The following CELF2 variants were observed in gnomAD, a reference collection of about 807,000 sequenced individuals.
CELF2 encodes the protein CUG triplet repeat RNA-binding protein 2.
Under a neutral mutation model 62.6 loss-of-function variants are expected in CELF2, and 8 were observed. The observed-to-expected ratio is 0.13, with a 90% CI of 0.07 to 0.23. The LOEUF is 0.23. Among genes scored for constraint, CELF2 ranks in the 10% least tolerant of loss-of-function variants. The pLI, the probability that CELF2 is intolerant of heterozygous loss-of-function variation, is 1.00. For synonymous variants in CELF2, 258 were observed against 250.0 expected (o/e 1.03, Z -0.30); for missense variants, 333 against 671.0 (o/e 0.50, Z 5.56).
At chr10:11,218,106 A>G (rs2063804685) in intron 3 of CELF2, among the ~76,000 whole-genome samples, 1 of 152,250 alleles carries the variant, frequency 6.6e-6, no homozygotes, top group African/African-American at 2.4e-5. Flanking sequence ...TTCACCAGAA[A>G]TGAACTGATG....
At chr10:10,827,776 A>G (rs1033853979) in intron 1 of CELF2, among the ~76,000 whole-genome samples, 2 of 152,206 alleles carry the variant, frequency 1.3e-5, no homozygotes, top group African/African-American at 4.8e-5. Flanking sequence ...ATATGTATGT[A>G]GGAGAGAGAA....
chr10:10,720,978 G>A, the CELF2 span, among the ~76,000 whole-genome samples: 10 of 152,324 alleles, frequency 6.6e-5, no homozygotes, highest in African/African-American at 1.9e-4. Flanking sequence ...GAAACAAAAT[G>A]TTCTGCCTAG....
rs151070204 is a variant in CELF2 at position 11,178,700 on chromosome 10, C to A, written c.271+13018C>A. On this transcript the variant is annotated intron_variant, in intron 2 of 12. Coordinates refer to ENST00000633077, the MANE Select transcript of CELF2 (RefSeq NM_001326342.2). This position sits in a 1 kb window ranked among gnomAD's most constrained non-coding sequence, Gnocchi z 4.3. Reference sequence around the variant, plus strand: ...GCAGAGTTTGATTGTTTAACCTAGACTAATCAGTCTTTGGAGGGCCTGCCA... The same window carrying A: ...GCAGAGTTTGATTGTTTAACCTAGAATAATCAGTCTTTGGAGGGCCTGCCA... Among the ~76,000 whole-genome samples, 1 of 152,300 alleles carries A rather than the reference C, an allele frequency of 6.6e-6. No homozygotes were observed. The highest frequency in any genetic ancestry group is 1.9e-4 in the East Asian group (1 of 5,182).
At chr10:10,615,418 G>C in the CELF2 span, among the ~76,000 whole-genome samples, 1 of 152,162 alleles carries the variant, frequency 6.6e-6, no homozygotes, top group African/African-American at 2.4e-5. Context: ...GTCAGGCTGT[G>C]AGCAAGTATC....
At chr10:10,550,567 A>G in the CELF2 span, among the ~76,000 whole-genome samples, 2 of 152,340 alleles carry the variant, frequency 1.3e-5, no homozygotes, top group South Asian at 4.1e-4. Context: ...TTTTATAAGC[A>G]TAAGGTAATG....
Position 11,255,629 on chromosome 10 carries a change from G to A in CELF2, c.404-2109G>A, listed in dbSNP as rs1382841285. On this transcript the variant is annotated intron_variant, in intron 4 of 12. Transcript: ENST00000633077. This position sits in a 1 kb window ranked among gnomAD's most constrained non-coding sequence, Gnocchi z 5.5. ...CTTGGAGCCCTAGAGTTTCTGCGGT[G>A]TCCCAGGAGCTGTCACAGTGGGGAG... 1.3e-5 allele frequency among the ~76,000 whole-genome samples: 2 copies of A among 152,118 alleles called. No homozygotes were observed.
intron 1 of CELF2, among the ~76,000 whole-genome samples, chr10:11,138,938 T>A (rs1326934102): frequency 6.6e-6 from 1 of 152,268 alleles, no homozygotes; most frequent in East Asian, 1.9e-4. Context: ...GGTATGTGAC[T>A]GAACTGATGG....
chr10:11,151,755 GA>G (rs1002265042), intron 1 of CELF2, among the ~76,000 whole-genome samples: 7 of 147,502 alleles, frequency 4.7e-5, no homozygotes, highest in African/African-American at 1.2e-4. Context: ...ATTGAGTCAA[GA>G]AAAAAAAAAT....
the CELF2 span, among the ~76,000 whole-genome samples, chr10:10,526,286 A>T: frequency 1.3e-5 from 2 of 152,262 alleles, no homozygotes; most frequent in African/African-American, 2.4e-5. Flanking sequence ...CTAATAAAAA[A>T]TTATGGATTT....
At chr10:10,791,216 A>G in the CELF2 span, among the ~76,000 whole-genome samples, 2 of 152,042 alleles carry the variant, frequency 1.3e-5, no homozygotes. Context: ...ACACTGAAAT[A>G]TTTTATAGTC....
At chr10:11,023,541 TG>T (rs1263335877) in intron 1 of CELF2, among the ~76,000 whole-genome samples, 1 of 152,228 alleles carries the variant, frequency 6.6e-6, no homozygotes, top group Non-Finnish European at 1.5e-5. Context: ...AATCCAGATG[TG>T]AAGGGATGGA....
the CELF2 span, among the ~76,000 whole-genome samples, chr10:10,711,429 A>G: frequency 6.6e-6 from 1 of 152,302 alleles, no homozygotes; most frequent in Middle Eastern, 3.4e-3. Flanking sequence ...CTGAGTCACA[A>G]GGATACTGGG....
At chr10:10,767,100 A>G in the CELF2 span, among the ~76,000 whole-genome samples, 1 of 152,176 alleles carries the variant, frequency 6.6e-6, no homozygotes, top group Non-Finnish European at 1.5e-5. Context: ...GAAATGCAGC[A>G]ATAACCCAAT....
In CELF2 at chr10:10,931,584, C is replaced by A. The variant is rs1423422595; in HGVS notation, c.89+11585C>A. On this transcript the variant is annotated intron_variant, in intron 2 of 13. Coordinates refer to the CELF2 transcript ENST00000636488. The surrounding 1 kb of genome is among the most constrained non-coding windows in gnomAD (Gnocchi z 6.1). ...GTGGCCCCTAATTCATCATTGGGCA[C>A]CACGGCACCCCTTCCAAAGTAAAGA... 3.3e-5 allele frequency among the ~76,000 whole-genome samples: 5 copies of A among 152,114 alleles called. No homozygotes were observed. Among genetic ancestry groups the A allele is most frequent in the Non-Finnish European group, 7.3e-5 (5 of 68,038 alleles).
At chr10:11,126,105 C>T (rs184385068) in intron 1 of CELF2, among the ~76,000 whole-genome samples, 145 of 152,322 alleles carry the variant, frequency 9.5e-4, no homozygotes, top group Admixed American at 5.8e-3. Flanking sequence ...AGTCAAGATA[C>T]GCTGTCTGGA....
chr10:11,040,440 T>A (rs1303706908), intron 1 of CELF2, among the ~76,000 whole-genome samples: 2 of 152,208 alleles, frequency 1.3e-5, no homozygotes, highest in Non-Finnish European at 2.9e-5. Context: ...CTTTTAAAGG[T>A]ATAATTTGTA....
the CELF2 span, among the ~76,000 whole-genome samples, chr10:10,576,255 C>G: frequency 6.6e-6 from 1 of 152,130 alleles, no homozygotes; most frequent in African/African-American, 2.4e-5. Flanking sequence ...GAGCTGAGAG[C>G]TTCCTACCCA....
chr10:10,941,930 G>T (rs186293302), intron 2 of CELF2, among the ~76,000 whole-genome samples: 88 of 149,680 alleles, frequency 5.9e-4, no homozygotes, highest in African/African-American at 2.1e-3. Context: ...GGAAGTAGAG[G>T]TTGCAGTGAG....
the CELF2 span, among the ~76,000 whole-genome samples, chr10:10,553,101 G>T: frequency 2.0e-5 from 3 of 152,162 alleles, no homozygotes; most frequent in Non-Finnish European, 4.4e-5. Context: ...TTGACTCACC[G>T]TTCTGCAGGG....
Sources: gnomAD v4.1 joint callset for allele counts (sites outside exome capture counted in the v4.1 genomes callset) on GRCh38, gnomAD v4.1.1 for gene constraint, Gnocchi (gnomAD v3.1) non-coding constraint, MANE v1.5 for transcripts, NCBI Gene and HGNC (gene_info 2026-07-23, HGNC 2026-07-21) for gene names.